KCNH7: variants seen among roughly 807,000 people sequenced by gnomAD.
The protein encoded by KCNH7 is voltage-gated inwardly rectifying potassium channel KCNH7.
A neutral mutation model predicts 120.8 loss-of-function variants in KCNH7; 49 were observed. The ratio of observed to expected loss-of-function variants is 0.41; its 90% CI spans 0.32 to 0.51. KCNH7 has a LOEUF of 0.51. Among genes scored for constraint, KCNH7 ranks in the 20% least tolerant of loss-of-function variants. The pLI, the probability that KCNH7 is intolerant of heterozygous loss-of-function variation, is 0.38. For missense variants in KCNH7, 1,097 were observed against 1,446.6 expected (o/e 0.76, Z 3.92); for synonymous variants, 547 against 516.1 (o/e 1.06, Z -0.81).
chr2:162,700,484 C>T (rs753268664), intron 2 of KCNH7, among the ~76,000 whole-genome samples: 8 of 151,850 alleles, frequency 5.3e-5, no homozygotes, highest in South Asian at 4.2e-4. Context: ...CTTTTTGGTA[C>T]GTATGGGAAA....
intron 2 of KCNH7, among the ~76,000 whole-genome samples, chr2:162,766,091 T>C (rs1181325311): frequency 2.0e-5 from 3 of 152,132 alleles, no homozygotes; most frequent in Non-Finnish European, 4.4e-5. Flanking sequence ...TTTTCTCCCT[T>C]CCTCCATTTT....
intron 2 of KCNH7, among the ~76,000 whole-genome samples, chr2:162,591,587 G>A (rs749925479): frequency 2.0e-5 from 3 of 152,000 alleles, no homozygotes; most frequent in African/African-American, 2.4e-5. Flanking sequence ...GCAGTGGCTC[G>A]TAAGTAGCTA....
intron 2 of KCNH7, among the ~76,000 whole-genome samples, chr2:162,545,923 T>C (rs914723255): frequency 6.6e-6 from 1 of 152,208 alleles, no homozygotes; most frequent in Admixed American, 6.5e-5. Context: ...CCCATTTTCA[T>C]TGACACATTC....
chr2:162,741,862 G>A (rs185247337), intron 2 of KCNH7, among the ~76,000 whole-genome samples: 16 of 152,108 alleles, frequency 1.1e-4, no homozygotes, highest in Admixed American at 5.2e-4. Flanking sequence ...AAAATGTCTC[G>A]TTTTCTTGAA....
chr2:162,639,614 T>A (rs1157539003), intron 2 of KCNH7, among the ~76,000 whole-genome samples: 4 of 152,054 alleles, frequency 2.6e-5, no homozygotes, highest in Non-Finnish European at 4.4e-5. Flanking sequence ...ATGACAAAAT[T>A]ACAATATCAG....
chr2:162,808,695 A>G (rs865910788), intron 2 of KCNH7, among the ~76,000 whole-genome samples: 1 of 152,008 alleles, frequency 6.6e-6, no homozygotes, highest in Middle Eastern at 3.2e-3. Context: ...TGCACCATAC[A>G]CACACATGCA....
chr2:162,398,828 T>A (rs1330722171), intron 10 of KCNH7, among the ~76,000 whole-genome samples: 1 of 151,938 alleles, frequency 6.6e-6, no homozygotes, highest in Non-Finnish European at 1.5e-5. Context: ...AAAACCTAAC[T>A]TGATTGTGTG....
At chr2:162,468,102 C>G (rs1689368967) in intron 6 of KCNH7, among the ~76,000 whole-genome samples, 1 of 151,986 alleles carries the variant, frequency 6.6e-6, no homozygotes, top group Non-Finnish European at 1.5e-5. Flanking sequence ...TTTTAATGCC[C>G]ACTTCTCTTT....
intron 2 of KCNH7, among the ~76,000 whole-genome samples, chr2:162,689,506 T>G (rs963390429): frequency 6.6e-6 from 1 of 152,138 alleles, no homozygotes; most frequent in African/African-American, 2.4e-5. Flanking sequence ...ACAGGAATGT[T>G]AAAAATATGT....
intron 6 of KCNH7, among the ~76,000 whole-genome samples, chr2:162,451,407 T>C (rs1688767074): frequency 6.6e-6 from 1 of 152,122 alleles, no homozygotes; most frequent in African/African-American, 2.4e-5. Flanking sequence ...TATTACAGAA[T>C]TGTTTTAGTT....
At chr2:162,735,860 C>T (rs553873834) in intron 2 of KCNH7, among the ~76,000 whole-genome samples, 2 of 152,192 alleles carry the variant, frequency 1.3e-5, no homozygotes, top group East Asian at 1.9e-4. Flanking sequence ...AAGAACAGCC[C>T]GTCAAGCTGT....
chr2:162,729,188 CAG>C (rs1362799077), intron 2 of KCNH7, among the ~76,000 whole-genome samples: 1 of 113,942 alleles, frequency 8.8e-6, no homozygotes, highest in Non-Finnish European at 1.7e-5. Flanking sequence ...TTTTTTGAGA[CAG>C]AGTCTCGCTC....
chr2:162,768,133 T>C (rs1042005792), intron 2 of KCNH7, among the ~76,000 whole-genome samples: 6 of 152,212 alleles, frequency 3.9e-5, no homozygotes, highest in African/African-American at 1.4e-4. Flanking sequence ...TGTCCCACGT[T>C]TTAAATTACT....
At chr2:162,374,200 G>T (rs1346846315) in intron 14 of KCNH7, among the ~76,000 whole-genome samples, 1 of 152,014 alleles carries the variant, frequency 6.6e-6, no homozygotes, top group African/African-American at 2.4e-5. Flanking sequence ...AATGTTTAAT[G>T]CTGTTAAATG....
chr2:162,555,004 A>G (rs1394631994), intron 2 of KCNH7, among the ~76,000 whole-genome samples: 1 of 152,198 alleles, frequency 6.6e-6, no homozygotes, highest in Non-Finnish European at 1.5e-5. Context: ...CTGTTAACAC[A>G]TCTATATGTA....
chr2:162,479,362 AAGG>A (rs1689850168), intron 6 of KCNH7, among the ~76,000 whole-genome samples: 5 of 152,220 alleles, frequency 3.3e-5, no homozygotes, highest in African/African-American at 1.2e-4. Context: ...GGCAAAATGA[AAGG>A]CTTGTGAACT....
intron 8 of KCNH7, among the ~76,000 whole-genome samples, chr2:162,433,408 A>G (rs1688134955): frequency 6.6e-6 from 1 of 152,118 alleles, no homozygotes. Context: ...CCAAAACAGC[A>G]TGGTACTGGT....
chr2:162,682,411 C>G (rs1436333419), intron 2 of KCNH7, among the ~76,000 whole-genome samples: 4 of 130,918 alleles, frequency 3.1e-5, no homozygotes, highest in African/African-American at 1.6e-4. Context: ...TCCTGAGAGA[C>G]AGAGACAGAG....
intron 12 of KCNH7, among the ~76,000 whole-genome samples, chr2:162,388,259 T>C (rs1442417229): frequency 6.6e-6 from 1 of 151,778 alleles, no homozygotes; most frequent in Non-Finnish European, 1.5e-5. Context: ...GCAGAATGAA[T>C]AAATTCTGGA....
Sources: gnomAD v4.1 joint callset for allele counts (sites outside exome capture counted in the v4.1 genomes callset) on GRCh38, gnomAD v4.1.1 for gene constraint, MANE v1.5 for transcripts, NCBI Gene and HGNC (gene_info 2026-07-23, HGNC 2026-07-21) for gene names.